CSMD1: variants seen among roughly 807,000 people sequenced by gnomAD.
CSMD1 encodes the protein CUB and Sushi multiple domains 1.
Under a neutral mutation model 417.5 loss-of-function variants are expected in CSMD1, and 213 were observed. The ratio of observed to expected loss-of-function variants is 0.51; its 90% confidence interval spans 0.46 to 0.57. The LOEUF is 0.57. Among genes scored for constraint, CSMD1 ranks in the 20% least tolerant of loss-of-function variants. CSMD1 has a pLI of 0.00. For missense variants in CSMD1, 6,923 were observed against 4,529.7 expected (o/e 1.53, Z -15.17); for synonymous variants, 2,862 against 1,736.8 (o/e 1.65, Z -16.11).
At chr8:4,622,158 G>A (rs1801818272) in intron 2 of CSMD1, among the ~76,000 whole-genome samples, 1 of 148,214 alleles carries the variant, frequency 6.7e-6, no homozygotes, top group Non-Finnish European at 1.5e-5. Context: ...AACGCAAAGA[G>A]GGGTAAAGAG....
chr8:3,178,741 T>C (rs111278343), intron 37 of CSMD1, among the ~76,000 whole-genome samples: 42 of 152,232 alleles, frequency 2.8e-4, no homozygotes, highest in Middle Eastern at 3.4e-3. Context: ...ACTTTTTTTT[T>C]CCATTTTTAT....
chr8:4,203,815 C>G (rs554052481), intron 3 of CSMD1, among the ~76,000 whole-genome samples: 1 of 152,194 alleles, frequency 6.6e-6, no homozygotes, highest in East Asian at 1.9e-4. Context: ...AAAACTAAAA[C>G]TTGGTCAGGA....
intron 1 of CSMD1, among the ~76,000 whole-genome samples, chr8:4,787,138 C>T (rs749401970): frequency 3.9e-5 from 6 of 152,158 alleles, no homozygotes; most frequent in African/African-American, 4.8e-5. Flanking sequence ...GGAAACTATC[C>T]GCCTATACCC....
At chr8:4,857,078 A>G (rs1378619201) in intron 1 of CSMD1, among the ~76,000 whole-genome samples, 1 of 149,530 alleles carries the variant, frequency 6.7e-6, no homozygotes, top group Non-Finnish European at 1.5e-5. Context: ...CTCAGACCAC[A>G]GTGCAATCAA....
At position 4,461,683 on chromosome 8, in the gene CSMD1, T is replaced by C. The variant is rs1246920954; in HGVS notation, c.303-41618A>G. Among the ~76,000 whole-genome samples the C allele has an allele frequency of 2.0e-5, 3 of 151,606 alleles. No homozygotes were observed. In the East Asian group the frequency reaches 5.9e-4, roughly 30 times the overall value. Reference sequence around the variant, plus strand: ...CTCCCACCTCAGCCTGCTGTATAGCTGGGGCCATGGGCAAACACCACCATA... The same window carrying C: ...CTCCCACCTCAGCCTGCTGTATAGCCGGGGCCATGGGCAAACACCACCATA... On this transcript the variant is annotated intron_variant, in intron 2 of 69. Coordinates refer to ENST00000635120, the MANE Select transcript of CSMD1 (RefSeq NM_033225.6).
intron 11 of CSMD1, among the ~76,000 whole-genome samples, chr8:3,484,981 C>G (rs957788623): frequency 6.6e-6 from 1 of 152,098 alleles, no homozygotes; most frequent in Admixed American, 6.5e-5. Flanking sequence ...TGTTGGAGAA[C>G]CATGCTGGAA....
chr8:4,473,328 C>A (rs772879147), intron 2 of CSMD1, among the ~76,000 whole-genome samples: 1 of 152,150 alleles, frequency 6.6e-6, no homozygotes, highest in Admixed American at 6.5e-5. Context: ...GAGGGAAAAT[C>A]AGCAGAGACA....
At chr8:3,480,570 T>C (rs553240173) in intron 11 of CSMD1, among the ~76,000 whole-genome samples, 1 of 152,218 alleles carries the variant, frequency 6.6e-6, no homozygotes, top group South Asian at 2.1e-4. Flanking sequence ...CACGTGAATT[T>C]ATAGACCCAA....
intron 9 of CSMD1, among the ~76,000 whole-genome samples, chr8:3,585,672 T>G (rs931437157): frequency 5.9e-5 from 9 of 152,218 alleles, no homozygotes; most frequent in Non-Finnish European, 1.0e-4. Flanking sequence ...AGATTAAAGA[T>G]CATTTATTAA....
intron 3 of CSMD1, among the ~76,000 whole-genome samples, chr8:4,372,808 GATAAAA>G (rs1301524841): frequency 3.3e-5 from 5 of 151,966 alleles, no homozygotes; most frequent in African/African-American, 4.8e-5. Context: ...AGTGCATACT[GATAAAA>G]ATAAAATAGG....
intron 3 of CSMD1, among the ~76,000 whole-genome samples, chr8:4,411,763 A>G (rs1423673390): frequency 6.6e-6 from 1 of 152,166 alleles, no homozygotes; most frequent in Non-Finnish European, 1.5e-5. Context: ...CTATCCAAGT[A>G]CTTTATCTTT....
chr8:3,515,128 C>CAT (rs1797232884), intron 10 of CSMD1: 1 of 152,148 alleles, frequency 6.6e-6, no homozygotes, highest in Non-Finnish European at 1.5e-5. Flanking sequence ...TGTTATAATT[C>CAT]ATCTTGAATA....
chr8:3,667,955 C>T (rs1182464133), intron 7 of CSMD1, among the ~76,000 whole-genome samples: 4 of 152,114 alleles, frequency 2.6e-5, no homozygotes, highest in African/African-American at 9.7e-5. Context: ...CCATTTCCTC[C>T]CTGCGTCTTT....
At chr8:4,394,609 A>T (rs1804077065) in intron 3 of CSMD1, among the ~76,000 whole-genome samples, 1 of 152,218 alleles carries the variant, frequency 6.6e-6, no homozygotes, top group Non-Finnish European at 1.5e-5. Flanking sequence ...CAGGAAGGTG[A>T]GATGTTGTCA....
At chr8:3,396,540 T>C (rs111428200) in intron 16 of CSMD1, among the ~76,000 whole-genome samples, 159 bp from the exon 17 acceptor site, 141 of 152,290 alleles carry the variant, frequency 9.3e-4, no homozygotes, top group African/African-American at 3.3e-3. Flanking sequence ...AATATAAGGA[T>C]AGTATGTTCT....
chr8:3,891,910 T>C (rs1806997580), intron 5 of CSMD1, among the ~76,000 whole-genome samples: 1 of 152,086 alleles, frequency 6.6e-6, no homozygotes, highest in South Asian at 2.1e-4. Context: ...ATTTACAAAA[T>C]TATCAGAACA....
At chr8:3,900,438 ACAG>A (rs1807665180) in intron 5 of CSMD1, among the ~76,000 whole-genome samples, 2 of 151,358 alleles carry the variant, frequency 1.3e-5, no homozygotes, top group African/African-American at 4.9e-5. Flanking sequence ...TAGCTGGGTG[ACAG>A]CACAGCTGCA....
intron 1 of CSMD1, among the ~76,000 whole-genome samples, chr8:4,896,031 C>T: frequency 6.6e-6 from 1 of 152,032 alleles, no homozygotes; most frequent in Non-Finnish European, 1.5e-5. Flanking sequence ...TGTAATGATT[C>T]TACAATTCTT....
At chr8:4,471,705 T>C (rs996333365) in intron 2 of CSMD1, among the ~76,000 whole-genome samples, 2 of 151,400 alleles carry the variant, frequency 1.3e-5, no homozygotes, top group South Asian at 4.2e-4. Flanking sequence ...ACACGACCCA[T>C]CTTCAAAGAA....
Sources: gnomAD v4.1 joint callset for allele counts (sites outside exome capture counted in the v4.1 genomes callset) on GRCh38, gnomAD v4.1.1 for gene constraint, MANE v1.5 for transcripts, NCBI Gene and HGNC (gene_info 2026-07-23, HGNC 2026-07-21) for gene names.